DPYSL3: variants seen among roughly 807,000 people sequenced by gnomAD.
DPYSL3 encodes dihydropyrimidinase like 3, also known as dihydropyrimidinase-related protein 3.
In DPYSL3, 16 loss-of-function variants were observed where a neutral mutation model predicts 66.1. That is an observed-to-expected ratio of 0.24 (90% CI 0.16 to 0.37). DPYSL3 has a LOEUF of 0.37. Among genes scored for constraint, DPYSL3 ranks in the 10% least tolerant of loss-of-function variants. The pLI is 1.00. For synonymous variants in DPYSL3, 338 were observed against 345.1 expected (o/e 0.98, Z 0.23); for missense variants, 738 against 916.2 (o/e 0.81, Z 2.51).
chr5:147,431,674 C>G (rs1294512269), intron 1 of DPYSL3, among the ~76,000 whole-genome samples: 1 of 152,098 alleles, frequency 6.6e-6, no homozygotes, highest in Non-Finnish European at 1.5e-5. Flanking sequence ...AAAGGGAATT[C>G]CAGAGACGCC....
At chr5:147,402,443 G>A (rs1448441377) in intron 8 of DPYSL3, among the ~76,000 whole-genome samples, 127 of 120,488 alleles carry the variant, frequency 1.1e-3, no homozygotes, top group African/African-American at 3.9e-3. Context: ...CGCCTCCCGG[G>A]TTCACGCCAT....
At chr5:147,494,891 AT>A in intron 1 of DPYSL3, among the ~76,000 whole-genome samples, 1 of 149,178 alleles carries the variant, frequency 6.7e-6, no homozygotes, top group South Asian at 2.1e-4. Context: ...AATAATAATA[AT>A]AATAATAATA....
chr5:147,482,339 T>C (rs898745961), intron 1 of DPYSL3, among the ~76,000 whole-genome samples: 1 of 152,214 alleles, frequency 6.6e-6, no homozygotes, highest in African/African-American at 2.4e-5. Context: ...TCAGGGGTAA[T>C]ACCCTTTGTG....
chr5:147,453,796 C>A, intron 1 of DPYSL3: 1 of 1,265,584 alleles, frequency 7.9e-7, no homozygotes, highest in Non-Finnish European at 1.0e-6. Context: ...CCCCTTTCAC[C>A]CCCGCCCCCC....
At chr5:147,401,744 G>C in intron 8 of DPYSL3, 48 bp from the exon 9 acceptor site, 1 of 1,603,476 alleles carries the variant, frequency 6.2e-7, no homozygotes, top group South Asian at 1.1e-5. Flanking sequence ...AGTATATGCT[G>C]CACTGGGCCA....
intron 1 of DPYSL3, among the ~76,000 whole-genome samples, chr5:147,433,354 G>A (rs945183705): frequency 6.6e-6 from 1 of 152,116 alleles, no homozygotes; most frequent in African/African-American, 2.4e-5. Flanking sequence ...TAGGAACAAA[G>A]ATGCCTTATC....
intron 10 of DPYSL3, 53 bp from the exon 11 acceptor site, chr5:147,399,305 T>C (rs537643647): frequency 6.4e-7 from 1 of 1,553,226 alleles, no homozygotes; most frequent in South Asian, 1.2e-5. Context: ...ATATATCAAT[T>C]CAGGGCTTCT....
chr5:147,410,453 G>T (rs1049345873), intron 6 of DPYSL3, among the ~76,000 whole-genome samples: 6 of 152,068 alleles, frequency 3.9e-5, no homozygotes, highest in African/African-American at 1.4e-4. Flanking sequence ...CAGCAGTAAA[G>T]CCCCACTGAT....
intron 1 of DPYSL3, among the ~76,000 whole-genome samples, chr5:147,463,666 T>C (rs1452048977): frequency 6.6e-6 from 1 of 152,058 alleles, no homozygotes; most frequent in African/African-American, 2.4e-5. Flanking sequence ...AATGGGCATA[T>C]GATTAGAGTA....
At chr5:147,434,748 G>C (rs1752386412) in intron 1 of DPYSL3, among the ~76,000 whole-genome samples, 1 of 151,734 alleles carries the variant, frequency 6.6e-6, no homozygotes, top group South Asian at 2.1e-4. Flanking sequence ...GCGGGGGGTA[G>C]GGGAACAGGG....
In DPYSL3 at chr5:147,401,651, T is replaced by A. The variant is rs1261375806; in HGVS notation, c.1199A>T (p.Asp400Val). Residue 400 changes from aspartate to valine, a missense_variant, in exon 9 of 14, where the codon GAT becomes GTT. Physicochemically the swap from Asp to Val is radical, Grantham distance 152 (BLOSUM62 -3). Transcript: ENST00000343218. ...GTTCTTGCTCCAATAATGGGTTCCA[T>A]CTATGCCGAGGCTGGCAGTGATGGG... The part of the protein sequence containing the change: ...GEPITASLGI[D>V]GTHYWSKNWA... 3 of 1,614,148 alleles carry A rather than the reference T, an allele frequency of 1.9e-6. No homozygotes were observed. The Admixed American group carries it at 5.0e-5, about 27-fold the overall frequency.
chr5:147,413,525 G>A, intron 5 of DPYSL3, 71 bp downstream of exon 5: 1 of 1,254,626 alleles, frequency 8.0e-7, no homozygotes, highest in Non-Finnish European at 1.2e-6. Context: ...CATGTTACAA[G>A]GGCCAAGGTC....
At chr5:147,413,134 C>T (rs989528671) in intron 5 of DPYSL3, among the ~76,000 whole-genome samples, 3 of 152,170 alleles carry the variant, frequency 2.0e-5, no homozygotes, top group Non-Finnish European at 4.4e-5. Context: ...AAGCAGGAGG[C>T]ATGGGAATTC....
intron 7 of DPYSL3, among the ~76,000 whole-genome samples, chr5:147,408,391 T>G (rs1407538529): frequency 6.6e-6 from 1 of 152,112 alleles, no homozygotes; most frequent in Admixed American, 6.5e-5. Context: ...CTTATCTATA[T>G]GCCAATATTT....
At chr5:147,431,095 G>A (rs1259868106) in intron 1 of DPYSL3, among the ~76,000 whole-genome samples, 2 of 152,178 alleles carry the variant, frequency 1.3e-5, no homozygotes, top group Non-Finnish European at 2.9e-5. Flanking sequence ...TGGGCAATTA[G>A]ATTTGATTTC....
chr5:147,504,130 G>A (rs1482190650), intron 1 of DPYSL3, among the ~76,000 whole-genome samples: 2 of 152,046 alleles, frequency 1.3e-5, no homozygotes, highest in Non-Finnish European at 2.9e-5. Flanking sequence ...AACATTACTT[G>A]TCAGGATAAC....
At chr5:147,474,380 C>A (rs372835368) in intron 1 of DPYSL3, among the ~76,000 whole-genome samples, 1 of 152,020 alleles carries the variant, frequency 6.6e-6, no homozygotes, top group African/African-American at 2.4e-5. Context: ...AATGATACTA[C>A]GCAGGCAGAA....
At chr5:147,457,511 T>A (rs1752871324) in intron 1 of DPYSL3, among the ~76,000 whole-genome samples, 1 of 152,206 alleles carries the variant, frequency 6.6e-6, no homozygotes, top group South Asian at 2.1e-4. Flanking sequence ...GATTTTACAG[T>A]ATCTATATTT....
At chr5:147,449,228 T>A (rs1275060052) in intron 1 of DPYSL3, among the ~76,000 whole-genome samples, 3 of 152,168 alleles carry the variant, frequency 2.0e-5, no homozygotes, top group Non-Finnish European at 4.4e-5. Context: ...CTCCAGTTCA[T>A]AAGGTCCCTT....
Sources: allele counts gnomAD v4.1 joint callset (sites outside exome capture counted in the v4.1 genomes callset), GRCh38; gene constraint gnomAD v4.1.1; transcripts MANE v1.5; gene names NCBI Gene and HGNC (gene_info 2026-07-23, HGNC 2026-07-21).